The following RBFOX1 variants were observed in gnomAD, a reference collection of about 807,000 sequenced individuals.
RBFOX1 encodes RNA binding fox-1 homolog 1.
Under a neutral mutation model 57.7 loss-of-function variants are expected in RBFOX1, and 8 were observed. The ratio of observed to expected loss-of-function variants is 0.14; its 90% CI spans 0.08 to 0.25. The LOEUF is 0.25. Among genes scored for constraint, RBFOX1 ranks in the 10% least tolerant of loss-of-function variants. The probability of loss-of-function intolerance (pLI) is 1.00; values close to 1 mark genes in which losing one functional copy is unlikely to be tolerated. For missense variants in RBFOX1, 611 were observed against 548.5 expected, an observed-to-expected ratio of 1.11 and a Z score of -1.14; for synonymous variants, 326 against 222.4, an observed-to-expected ratio of 1.47 and a Z score of -4.15.
chr16:5,643,283 T>C (rs1275318121), intron 3 of RBFOX1, among the ~76,000 whole-genome samples: 1 of 152,226 alleles, frequency 6.6e-6, no homozygotes, highest in Admixed American at 6.5e-5. Flanking sequence ...ATGTGGCTTC[T>C]TGGCTGTCCT....
intron 3 of RBFOX1, among the ~76,000 whole-genome samples, chr16:7,007,781 A>G: frequency 6.6e-6 from 1 of 152,210 alleles, no homozygotes; most frequent in Middle Eastern, 3.4e-3. Flanking sequence ...AACTGTGAGG[A>G]TGGGGTAAGG....
At chr16:6,899,180 AAT>A (rs774908831) in intron 3 of RBFOX1, among the ~76,000 whole-genome samples, 26 of 150,978 alleles carry the variant, frequency 1.7e-4, no homozygotes, top group South Asian at 8.3e-4. Context: ...GTGTGTGTAT[AAT>A]ATGTGTGTGA....
At chr16:7,629,904 C>T (rs1036654857) in intron 10 of RBFOX1, among the ~76,000 whole-genome samples, 9 of 152,174 alleles carry the variant, frequency 5.9e-5, no homozygotes, top group East Asian at 1.9e-4. Context: ...ATACAGAAGC[C>T]GAAGATTCTC....
chr16:6,636,429 CA>C (rs1446742469), intron 2 of RBFOX1, among the ~76,000 whole-genome samples: 1 of 152,074 alleles, frequency 6.6e-6, no homozygotes, highest in Non-Finnish European at 1.5e-5. Context: ...CTCGGCCTCC[CA>C]AAGTGCTGGG....
intron 10 of RBFOX1, among the ~76,000 whole-genome samples, chr16:7,609,803 TTTTGTTTG>T (rs138776547): frequency 0.01 from 1,553 of 150,172 alleles, 20 homozygotes; most frequent in South Asian, 0.074. Context: ...ACTGGTGGGG[TTTTGTTTG>T]TTTGTTTGTT....
chr16:5,483,045 T>A (rs1191805850), intron 2 of RBFOX1, among the ~76,000 whole-genome samples: 1 of 152,184 alleles, frequency 6.6e-6, no homozygotes, highest in Non-Finnish European at 1.5e-5. Flanking sequence ...AACACATTCA[T>A]GTCACAGAGT....
intron 2 of RBFOX1, among the ~76,000 whole-genome samples, chr16:5,504,114 A>G (rs764015594): frequency 1.1e-4 from 16 of 152,186 alleles, no homozygotes; most frequent in African/African-American, 3.4e-4. Context: ...GAACTTGCCA[A>G]CCAGCCTCAT....
intron 2 of RBFOX1, among the ~76,000 whole-genome samples, chr16:6,613,433 T>C (rs1255411199): frequency 6.6e-6 from 1 of 152,118 alleles, no homozygotes; most frequent in East Asian, 1.9e-4. Context: ...TGGTGTTTAG[T>C]ACGTGAAACC....
intron 3 of RBFOX1, among the ~76,000 whole-genome samples, chr16:6,879,268 A>G (rs1220755908): frequency 6.6e-6 from 1 of 152,176 alleles, no homozygotes; most frequent in Non-Finnish European, 1.5e-5. Context: ...TTTATTTATC[A>G]GCCAGTTTTC....
intron 2 of RBFOX1, among the ~76,000 whole-genome samples, chr16:6,593,026 T>C (rs1476036977): frequency 6.6e-6 from 1 of 152,062 alleles, no homozygotes; most frequent in African/African-American, 2.4e-5. Context: ...AACCTGTCTG[T>C]ACTAAAAATA....
intron 4 of RBFOX1, among the ~76,000 whole-genome samples, chr16:5,976,312 A>G (rs1321369768): frequency 1.3e-5 from 2 of 152,226 alleles, no homozygotes; most frequent in African/African-American, 4.8e-5. Context: ...GGAAAACATC[A>G]GGATGAAAAG....
chr16:5,658,566 A>G (rs80339562), intron 3 of RBFOX1, among the ~76,000 whole-genome samples: 2,768 of 152,120 alleles, frequency 0.018, 78 homozygotes, highest in African/African-American at 0.063. Context: ...CCCAGAGGGC[A>G]CAGAGCTTAG....
chr16:7,438,344 C>G (rs1274844132), intron 4 of RBFOX1, among the ~76,000 whole-genome samples: 2 of 151,980 alleles, frequency 1.3e-5, no homozygotes, highest in African/African-American at 4.8e-5. Context: ...GGATGTCAGT[C>G]CATGGTTTGG....
intron 2 of RBFOX1, among the ~76,000 whole-genome samples, chr16:6,511,014 T>G (rs2096245542): frequency 6.6e-6 from 1 of 152,166 alleles, no homozygotes; most frequent in Non-Finnish European, 1.5e-5. Context: ...TGTTAAATGA[T>G]GAGTTCTGAG....
intron 2 of RBFOX1, among the ~76,000 whole-genome samples, chr16:5,496,817 G>A (rs770145712): frequency 2.0e-5 from 3 of 152,118 alleles, no homozygotes; most frequent in Non-Finnish European, 4.4e-5. Flanking sequence ...CAATTAAAAA[G>A]TGCATAAACC....
At chr16:6,437,450 C>T (rs1404258797) in intron 2 of RBFOX1, among the ~76,000 whole-genome samples, 1 of 152,164 alleles carries the variant, frequency 6.6e-6, no homozygotes, top group Non-Finnish European at 1.5e-5. Flanking sequence ...GTGTCTTCAG[C>T]ACCTAATTTG....
chr16:6,589,517 T>G (rs2097680618), intron 2 of RBFOX1, among the ~76,000 whole-genome samples: 1 of 152,206 alleles, frequency 6.6e-6, no homozygotes, highest in South Asian at 2.1e-4. Flanking sequence ...TGATGCCCAC[T>G]GATCCATCAA....
At chr16:7,593,370 T>A (rs1010964205) in intron 7 of RBFOX1, among the ~76,000 whole-genome samples, 2 of 152,124 alleles carry the variant, frequency 1.3e-5, no homozygotes, top group African/African-American at 2.4e-5. Flanking sequence ...CTAAATTCTC[T>A]CTTTTTTCCC....
At chr16:6,652,878 C>T (rs76151645) in intron 2 of RBFOX1, among the ~76,000 whole-genome samples, 2,165 of 152,254 alleles carry the variant, frequency 0.014, 59 homozygotes, top group African/African-American at 0.049. Flanking sequence ...CAGAACTGTG[C>T]ACCTACCATG....
Sources: gnomAD v4.1 joint callset for allele counts (sites outside exome capture counted in the v4.1 genomes callset) on GRCh38, gnomAD v4.1.1 for gene constraint, MANE v1.5 for transcripts, NCBI Gene and HGNC (gene_info 2026-07-23, HGNC 2026-07-21) for gene names.